The following CMTM4 variants were observed in gnomAD, a reference collection of about 807,000 sequenced individuals.
CMTM4 encodes the protein CKLF-like MARVEL transmembrane domain-containing protein 4.
CMTM4 carries 8 observed loss-of-function variants against 19.0 expected under a neutral mutation model. The ratio of observed to expected loss-of-function variants is 0.42; its 90% CI spans 0.25 to 0.76. The LOEUF is 0.76. Ranked by LOEUF, CMTM4 falls within the 30% of genes least tolerant of loss-of-function variation. CMTM4 has a pLI of 0.27. For synonymous variants in CMTM4, 106 were observed against 121.1 expected, an observed-to-expected ratio of 0.88 and a Z score of 0.82; for missense variants, 228 against 290.2, an observed-to-expected ratio of 0.79 and a Z score of 1.56.
At chr16:66,651,960 T>C (rs1414724841) in intron 1 of CMTM4, among the ~76,000 whole-genome samples, 2 of 152,216 alleles carry the variant, frequency 1.3e-5, no homozygotes, top group African/African-American at 2.4e-5. Context: ...ATGTGATCTT[T>C]GGTTTCATTG....
intron 1 of CMTM4, among the ~76,000 whole-genome samples, chr16:66,673,210 CTT>C (rs35208363): frequency 1.6e-4 from 20 of 127,814 alleles, no homozygotes; most frequent in South Asian, 2.6e-4. Context: ...CACACCCAGT[CTT>C]TTTTTTTTTT....
At chr16:66,604,845 C>A in the CMTM4 span, 30 of 1,358,322 alleles carry the variant, frequency 2.2e-5, no homozygotes, top group Admixed American at 7.0e-4. Flanking sequence ...GGACCCCGAG[C>A]CTGCCGGCGG....
At position 66,621,783 on chromosome 16, in the gene CMTM4, A is replaced by G. The variant is rs1338863958; in HGVS notation, c.*275T>C. The stretch of plus-strand genomic sequence containing the variant: ...ACACACGACAAGGTGGCTCAGAGTC[A>G]AAGGAAGCCTGTGCTTCAGGGCAGG... On this transcript the variant is annotated 3_prime_UTR_variant, in exon 4 of 4. Coordinates refer to ENST00000394106, the MANE Select transcript of CMTM4 (RefSeq NM_181521.3). The G allele has an allele frequency of 7.8e-7, 1 of 1,282,048 alleles. No homozygotes were observed. Among genetic ancestry groups the G allele is most frequent in the Non-Finnish European group, 9.9e-7 (1 of 1,007,674 alleles). 79.4% of individuals were successfully genotyped at this position (1,282,048 alleles called of 1,614,324 possible).
At chr16:66,640,397 T>G (rs1008360673) in intron 1 of CMTM4, among the ~76,000 whole-genome samples, 1 of 152,058 alleles carries the variant, frequency 6.6e-6, no homozygotes, top group Non-Finnish European at 1.5e-5. Context: ...GGGACAGCTG[T>G]CTGGAGAAAG....
chr16:66,676,749 C>T (rs542844177), intron 1 of CMTM4, among the ~76,000 whole-genome samples: 65 of 152,268 alleles, frequency 4.3e-4, no homozygotes, highest in African/African-American at 1.6e-3. Context: ...TTGGCTGAGC[C>T]GGCAAATGCT....
chr16:66,678,233 C>A (rs925713534), intron 1 of CMTM4, among the ~76,000 whole-genome samples: 5 of 152,014 alleles, frequency 3.3e-5, no homozygotes, highest in African/African-American at 9.7e-5. Flanking sequence ...AAATGAAAAT[C>A]CAGAGAGGAG....
At position 66,676,489 on chromosome 16, in the gene CMTM4, C is replaced by T. The variant is rs2144892844; in HGVS notation, c.186+19851G>A. On this transcript the variant is annotated intron_variant, in intron 1 of 3. Transcript: ENST00000394106. ...CCCTGAGGCTCAGCTCCCAGGGCCACCAAACAACGGGGTAGCTACAGGAAA... is the reference window on the plus strand; with the variant it reads ...CCCTGAGGCTCAGCTCCCAGGGCCATCAAACAACGGGGTAGCTACAGGAAA... Among the ~76,000 whole-genome samples the T allele has an allele frequency of 1.3e-5, 2 of 152,230 alleles. 1 individual carries two copies. The highest frequency in any genetic ancestry group is 4.2e-4 in the South Asian group (2 of 4,810).
chr16:66,637,737 C>T (rs1422011517), intron 1 of CMTM4, among the ~76,000 whole-genome samples: 4 of 152,136 alleles, frequency 2.6e-5, no homozygotes, highest in African/African-American at 9.7e-5. Context: ...AGGTTTCGAG[C>T]ACCTAAAGCC....
Position 66,696,159 on chromosome 16 carries a change from G to A in CMTM4, c.186+181C>T, listed in dbSNP as rs1223150619. ...GGCCTGGGAAGGGCAGGCTCTGGCC[G>A]AAGGCGGGGTCCCCAGAGAAGGCTG... On this transcript the variant is annotated intron_variant, in intron 1 of 3. Transcript: ENST00000394106. The surrounding 1 kb of genome is among the most constrained non-coding windows in gnomAD (Gnocchi z 4.3). Among the ~76,000 whole-genome samples, 4 of 152,204 alleles carry A rather than the reference G, an allele frequency of 2.6e-5. No homozygotes were observed. The highest frequency in any genetic ancestry group is 9.6e-5 in the African/African-American group (4 of 41,476).
At chr16:66,687,277 T>C (rs548721123) in intron 1 of CMTM4, among the ~76,000 whole-genome samples, 34 of 152,176 alleles carry the variant, frequency 2.2e-4, no homozygotes, top group African/African-American at 8.2e-4. Flanking sequence ...AGTTAAAGAT[T>C]ACAGTCAGTA....
chr16:66,689,478 C>T (rs1341700137), intron 1 of CMTM4, among the ~76,000 whole-genome samples: 1 of 152,102 alleles, frequency 6.6e-6, no homozygotes, highest in Non-Finnish European at 1.5e-5. Context: ...GTGGCACGAT[C>T]GCGGCTCACC....
chr16:66,682,722 A>C (rs2016938154), intron 1 of CMTM4, among the ~76,000 whole-genome samples: 1 of 152,008 alleles, frequency 6.6e-6, no homozygotes, highest in South Asian at 2.1e-4. Context: ...CTTTTATTTT[A>C]ATCAGAAAGC....
intron 1 of CMTM4, among the ~76,000 whole-genome samples, chr16:66,679,658 T>C (rs111942387): frequency 0.043 from 6,539 of 151,844 alleles, 268 homozygotes; most frequent in East Asian, 0.15. Context: ...ACCCTGTCTC[T>C]ACTAAAAATA....
At chr16:66,650,891 C>T (rs775503147) in intron 1 of CMTM4, among the ~76,000 whole-genome samples, 6 of 152,152 alleles carry the variant, frequency 3.9e-5, no homozygotes, top group Non-Finnish European at 8.8e-5. Flanking sequence ...TGAAGACCTA[C>T]GAAGCTGAGT....
intron 1 of CMTM4, among the ~76,000 whole-genome samples, chr16:66,669,382 T>C (rs1384187589): frequency 1.3e-5 from 2 of 151,920 alleles, no homozygotes; most frequent in Non-Finnish European, 2.9e-5. Context: ...AGTATCCTCA[T>C]TATGGTAGTG....
chr16:66,682,551 G>A (rs1436629544), intron 1 of CMTM4, among the ~76,000 whole-genome samples: 1 of 152,104 alleles, frequency 6.6e-6, no homozygotes, highest in Non-Finnish European at 1.5e-5. Flanking sequence ...ATTAAACTTT[G>A]AACATTTTAA....
At position 66,622,030 on chromosome 16, in the gene CMTM4, C is replaced by G. The variant is rs184135491; in HGVS notation, c.*28G>C. The G allele has an allele frequency of 6.5e-7, 1 of 1,543,610 alleles. No homozygotes were observed. Among genetic ancestry groups the G allele is most frequent in the Non-Finnish European group, 8.8e-7 (1 of 1,139,258 alleles). On this transcript the variant is annotated 3_prime_UTR_variant, in exon 4 of 4. Transcript: ENST00000394106. This position sits in a 1 kb window ranked among gnomAD's most constrained non-coding sequence, Gnocchi z 4.0. ...CTTGACTGAGAGACAGGCACGAGGA[C>G]GGGAGGGAGGAGGATCCAGGCAGGT...
At chr16:66,601,194 T>A in the CMTM4 span, among the ~76,000 whole-genome samples, 1 of 151,914 alleles carries the variant, frequency 6.6e-6, no homozygotes, top group African/African-American at 2.4e-5. Context: ...AATTTTCTGG[T>A]TGGAAACCTC....
At chr16:66,652,630 A>G (rs1486440766) in intron 1 of CMTM4, among the ~76,000 whole-genome samples, 3 of 152,196 alleles carry the variant, frequency 2.0e-5, no homozygotes, top group African/African-American at 7.2e-5. Context: ...CATTAAATCC[A>G]CAGGTTACCC....
Sources: allele counts gnomAD v4.1 joint callset (sites outside exome capture counted in the v4.1 genomes callset), GRCh38; gene constraint gnomAD v4.1.1; non-coding constraint Gnocchi (gnomAD v3.1); transcripts MANE v1.5; gene names NCBI Gene and HGNC (gene_info 2026-07-23, HGNC 2026-07-21).